SNTG2: variants seen among roughly 807,000 people sequenced by gnomAD.
SNTG2 encodes the protein gamma-2-syntrophin.
In SNTG2, 74 loss-of-function variants were observed where a neutral mutation model predicts 70.9. The ratio of observed to expected loss-of-function variants is 1.04; its 90% CI spans 0.86 to 1.27. The LOEUF is 1.27. SNTG2 is among the 50% of genes most tolerant of loss of function. The pLI is 0.00. For missense variants in SNTG2, 717 were observed against 690.7 expected (o/e 1.04, Z -0.43); for synonymous variants, 278 against 273.8 (o/e 1.02, Z -0.15).
chr2:1,315,663 C>G (rs1465151880), intron 15 of SNTG2, among the ~76,000 whole-genome samples: 1 of 152,046 alleles, frequency 6.6e-6, no homozygotes, highest in Non-Finnish European at 1.5e-5. Context: ...CGTACCATAG[C>G]AAACATTAAG....
At chr2:1,327,749 T>A in intron 16 of SNTG2, among the ~76,000 whole-genome samples, 1 of 152,334 alleles carries the variant, frequency 6.6e-6, no homozygotes, top group Admixed American at 6.5e-5. Context: ...AAACAAACAA[T>A]ATTAAGCTAG....
At chr2:951,191 G>A (rs1315037508) in intron 1 of SNTG2, 123 bp downstream of exon 1, 3 of 455,868 alleles carry the variant, frequency 6.6e-6, no homozygotes, top group South Asian at 1.1e-4. Context: ...CCCTGTCTCC[G>A]GGGACGGCTG....
At chr2:1,310,717 C>G (rs1259552953) in intron 15 of SNTG2, among the ~76,000 whole-genome samples, 1 of 152,150 alleles carries the variant, frequency 6.6e-6, no homozygotes, top group African/African-American at 2.4e-5. Flanking sequence ...ATTTCCCTGG[C>G]GTGGTCAATG....
chr2:1,311,282 C>T (rs1256472066), intron 15 of SNTG2, among the ~76,000 whole-genome samples: 3 of 152,190 alleles, frequency 2.0e-5, no homozygotes, highest in African/African-American at 4.8e-5. Context: ...GAGCACTTGA[C>T]CTCACATTTT....
chr2:1,242,688 A>G (rs1209469329), intron 11 of SNTG2: 1 of 151,964 alleles, frequency 6.6e-6, no homozygotes, highest in East Asian at 1.9e-4. Context: ...AATCTCCCTG[A>G]CCCCCTGCAG....
chr2:977,754 G>C (rs903640626), intron 1 of SNTG2, among the ~76,000 whole-genome samples: 1 of 151,980 alleles, frequency 6.6e-6, no homozygotes, highest in African/African-American at 2.4e-5. Context: ...GGACCTGCCT[G>C]CGTTGCCAAC....
intron 12 of SNTG2, among the ~76,000 whole-genome samples, chr2:1,250,642 CCTT>C (rs1324509605): frequency 1.3e-5 from 2 of 151,904 alleles, no homozygotes; most frequent in South Asian, 2.1e-4. Context: ...CTCTGTCTCT[CCTT>C]CTCTGCCCTC....
At chr2:1,303,767 TAAATG>T (rs1348370524) in intron 14 of SNTG2, among the ~76,000 whole-genome samples, 1 of 152,118 alleles carries the variant, frequency 6.6e-6, no homozygotes, top group African/African-American at 2.4e-5. Context: ...GAGAATGTAA[TAAATG>T]AAATGGGATA....
chr2:1,216,932 C>G (rs548378839), intron 9 of SNTG2, among the ~76,000 whole-genome samples: 10 of 152,134 alleles, frequency 6.6e-5, no homozygotes, highest in Non-Finnish European at 1.5e-4. Context: ...CCTCACTCTT[C>G]TCTCTCCTGC....
chr2:1,008,432 C>A (rs778724413), intron 1 of SNTG2, among the ~76,000 whole-genome samples: 2 of 151,676 alleles, frequency 1.3e-5, no homozygotes, highest in Non-Finnish European at 2.9e-5. Flanking sequence ...TTTTGAGATG[C>A]GCAAAAAAGG....
chr2:1,189,223 C>A (rs1481892560), intron 8 of SNTG2, among the ~76,000 whole-genome samples: 6 of 151,964 alleles, frequency 3.9e-5, no homozygotes, highest in Non-Finnish European at 7.4e-5. Flanking sequence ...CTTTGTAAGA[C>A]CTTTATAAAA....
intron 16 of SNTG2, among the ~76,000 whole-genome samples, chr2:1,334,277 C>T (rs1157826344): frequency 6.6e-6 from 1 of 151,996 alleles, no homozygotes; most frequent in East Asian, 1.9e-4. Flanking sequence ...TGGCCATAAT[C>T]AAAAAGTTAA....
chr2:1,192,470 G>T (rs867349103), intron 8 of SNTG2, among the ~76,000 whole-genome samples: 5 of 152,124 alleles, frequency 3.3e-5, no homozygotes, highest in South Asian at 2.1e-4. Flanking sequence ...ACACAGTCGT[G>T]TGATGAAATT....
intron 1 of SNTG2, among the ~76,000 whole-genome samples, chr2:991,382 C>CAT (rs138553057): frequency 1.1e-4 from 17 of 151,076 alleles, no homozygotes; most frequent in African/African-American, 3.7e-4. Context: ...TACACACACA[C>CAT]ACACACACAC....
intron 1 of SNTG2, among the ~76,000 whole-genome samples, chr2:1,031,528 A>ATATATATATATATTTT: frequency 1.7e-5 from 1 of 59,122 alleles, no homozygotes; most frequent in African/African-American, 8.3e-5. Context: ...ATATATATAT[A>ATATATATATATATTTT]TTTTTTTTTT....
At chr2:1,358,326 A>G (rs569273253) in intron 16 of SNTG2, among the ~76,000 whole-genome samples, 19 of 151,940 alleles carry the variant, frequency 1.3e-4, no homozygotes, top group African/African-American at 4.6e-4. Flanking sequence ...AGTTTTATTG[A>G]GTTTTGCTAT....
At chr2:1,176,893 T>A (rs1345571014) in intron 8 of SNTG2, among the ~76,000 whole-genome samples, 1 of 152,172 alleles carries the variant, frequency 6.6e-6, no homozygotes, top group Non-Finnish European at 1.5e-5. Flanking sequence ...GAATGTAAAT[T>A]CATTCAACCA....
chr2:1,170,274 A>G (rs1163530562), intron 7 of SNTG2, among the ~76,000 whole-genome samples: 2 of 152,236 alleles, frequency 1.3e-5, no homozygotes, highest in African/African-American at 2.4e-5. Flanking sequence ...TTAAAGTAAC[A>G]CTTCAGCAGT....
chr2:969,717 C>T (rs1007035594), intron 1 of SNTG2, among the ~76,000 whole-genome samples: 3 of 152,116 alleles, frequency 2.0e-5, no homozygotes, highest in Admixed American at 6.6e-5. Context: ...CATTTTATAT[C>T]CTGAAACTTT....
Sources: allele counts gnomAD v4.1 joint callset (sites outside exome capture counted in the v4.1 genomes callset), GRCh38; gene constraint gnomAD v4.1.1; transcripts MANE v1.5; gene names NCBI Gene and HGNC (gene_info 2026-07-23, HGNC 2026-07-21).